Variants in CCSER1 observed in about 807,000 individuals in gnomAD.
CCSER1 encodes serine-rich coiled-coil domain-containing protein 1.
In CCSER1, 41 loss-of-function variants were observed where a neutral mutation model predicts 82.0. That is an observed-to-expected ratio of 0.50 (90% CI 0.39 to 0.65). The LOEUF (loss-of-function observed/expected upper bound fraction) is 0.65. Among genes scored for constraint, CCSER1 ranks in the 30% least tolerant of loss-of-function variants. CCSER1 has a pLI of 0.00. For missense variants in CCSER1, 1,119 were observed against 1,064.2 expected, an observed-to-expected ratio of 1.05 and a Z score of -0.72; for synonymous variants, 414 against 383.9, an observed-to-expected ratio of 1.08 and a Z score of -0.92.
chr4:91,023,273 C>T (rs959307004), intron 9 of CCSER1, among the ~76,000 whole-genome samples: 3 of 152,072 alleles, frequency 2.0e-5, no homozygotes, highest in African/African-American at 4.8e-5. Context: ...ATCAAGCTAC[C>T]AATGACTTTC....
At position 90,918,174 on chromosome 4, in the gene CCSER1, A is replaced by C. The variant is rs1727791949; in HGVS notation, c.2095-5196A>C. The C allele has an allele frequency of 3.8e-5, 16 of 419,492 alleles. 1 individual carries two copies. Among genetic ancestry groups the C allele is most frequent in the South Asian group, 2.6e-4 (16 of 61,884 alleles). The allele number at this position is 419,492 out of a possible 1,614,324, so 26.0% of individuals were successfully genotyped here. A position where few individuals can be genotyped will look rare whatever the true frequency, so the allele number is the denominator to read the frequency against. On this transcript the variant is annotated intron_variant, in intron 8 of 10. Transcript: ENST00000509176. ...GTGTCTGTTAATTGTATTAACTAAC[A>C]TACTAGTGTCTGTTAATTGTATTAA...
chr4:90,364,237 C>A (rs914626021), intron 3 of CCSER1, among the ~76,000 whole-genome samples: 16 of 151,902 alleles, frequency 1.1e-4, no homozygotes, highest in Non-Finnish European at 2.4e-4. Context: ...AATACTTGAG[C>A]CTTTTCAAAT....
At chr4:90,142,032 A>G (rs1417147664) in intron 1 of CCSER1, among the ~76,000 whole-genome samples, 1 of 152,220 alleles carries the variant, frequency 6.6e-6, no homozygotes, top group Non-Finnish European at 1.5e-5. Flanking sequence ...TGTAGCATAG[A>G]GTAATAAACA....
intron 10 of CCSER1, among the ~76,000 whole-genome samples, chr4:91,209,529 T>C (rs1736621662): frequency 6.6e-6 from 1 of 151,988 alleles, no homozygotes; most frequent in Non-Finnish European, 1.5e-5. Flanking sequence ...GATTTGCATA[T>C]ATTGAACCCA....
At chr4:91,335,927 T>A (rs1309166122) in intron 10 of CCSER1, among the ~76,000 whole-genome samples, 1 of 152,092 alleles carries the variant, frequency 6.6e-6, no homozygotes, top group Non-Finnish European at 1.5e-5. Context: ...ACATAAAGAA[T>A]CACAAAACCA....
At chr4:90,911,960 G>A (rs1726457773) in intron 8 of CCSER1, among the ~76,000 whole-genome samples, 1 of 152,226 alleles carries the variant, frequency 6.6e-6, no homozygotes, top group Non-Finnish European at 1.5e-5. Context: ...TGAAGCTTGA[G>A]TAGGTAAACA....
intron 10 of CCSER1, among the ~76,000 whole-genome samples, chr4:91,252,401 T>A (rs956697757): frequency 5.3e-5 from 8 of 151,970 alleles, no homozygotes; most frequent in Non-Finnish European, 1.0e-4. Flanking sequence ...TGTGAAAAAA[T>A]AAAGATTTAA....
intron 7 of CCSER1, among the ~76,000 whole-genome samples, chr4:90,771,803 G>A (rs115251273): frequency 2.3e-3 from 356 of 152,114 alleles, no homozygotes; most frequent in Non-Finnish European, 4.0e-3. Context: ...ACAGCTTTGT[G>A]TGGTGTATCC....
intron 10 of CCSER1, among the ~76,000 whole-genome samples, chr4:91,217,235 G>A (rs1032943398): frequency 3.3e-5 from 5 of 152,180 alleles, no homozygotes; most frequent in East Asian, 3.9e-4. Context: ...GGACCCGAGC[G>A]GGTTGCCAAT....
chr4:90,718,487 TTA>T (rs1742083089), intron 6 of CCSER1, among the ~76,000 whole-genome samples: 1 of 152,154 alleles, frequency 6.6e-6, no homozygotes. Context: ...ACCAAGCACC[TTA>T]ATAGTACCCA....
At chr4:91,515,504 C>A in intron 10 of CCSER1, among the ~76,000 whole-genome samples, 1 of 152,132 alleles carries the variant, frequency 6.6e-6, no homozygotes, top group Non-Finnish European at 1.5e-5. Flanking sequence ...TGGCTTCCAC[C>A]TCCATCCATG....
In CCSER1 at chr4:90,265,039, G is replaced by T. The variant is rs1724994548; in HGVS notation, c.-41-43205G>T. 2.0e-5 allele frequency among the ~76,000 whole-genome samples: 3 copies of T among 151,764 alleles called. No homozygotes were observed. The South Asian group carries it at 6.2e-4, about 31-fold the overall frequency. ...TATCTTAAAAATGACATCTAGTAAA[G>T]AATATTCTTGTATCTCAGATAGCTT... On this transcript the variant is annotated intron_variant, in intron 1 of 10. Coordinates refer to ENST00000509176, the MANE Select transcript of CCSER1 (RefSeq NM_001145065.2).
chr4:91,013,760 G>A (rs544278962), intron 9 of CCSER1, among the ~76,000 whole-genome samples: 1 of 105,128 alleles, frequency 9.5e-6, no homozygotes, highest in Admixed American at 1.0e-4. Context: ...CTGTCACCAC[G>A]CCCAGCTATT....
At chr4:91,544,112 C>T (rs558076331) in intron 10 of CCSER1, among the ~76,000 whole-genome samples, 179 of 152,246 alleles carry the variant, frequency 1.2e-3, no homozygotes, top group Non-Finnish European at 2.0e-3. Context: ...GAAGCTTGTG[C>T]ATGCGTCATG....
intron 10 of CCSER1, among the ~76,000 whole-genome samples, chr4:91,382,028 T>C (rs1160584494): frequency 6.6e-6 from 1 of 152,170 alleles, no homozygotes; most frequent in Non-Finnish European, 1.5e-5. Flanking sequence ...CCATTCCAGA[T>C]CCTGTTTGCC....
intron 10 of CCSER1, among the ~76,000 whole-genome samples, chr4:91,480,712 CAGG>C (rs1757862931): frequency 6.6e-6 from 1 of 152,304 alleles, no homozygotes; most frequent in South Asian, 2.1e-4. Flanking sequence ...CACCTAACTC[CAGG>C]AGATGTTTTT....
At chr4:90,654,194 T>A (rs541386026) in intron 6 of CCSER1, among the ~76,000 whole-genome samples, 23 of 152,272 alleles carry the variant, frequency 1.5e-4, no homozygotes, top group African/African-American at 5.5e-4. Context: ...TCTGTTATAG[T>A]ATAAAATTGA....
chr4:91,200,745 A>C (rs201260406), intron 10 of CCSER1, among the ~76,000 whole-genome samples: 17 of 152,178 alleles, frequency 1.1e-4, no homozygotes, highest in African/African-American at 4.1e-4. Flanking sequence ...ACAGACTCCA[A>C]TGCCAAATAA....
chr4:90,198,017 G>C (rs910550775), intron 1 of CCSER1, among the ~76,000 whole-genome samples: 1 of 152,042 alleles, frequency 6.6e-6, no homozygotes, highest in Non-Finnish European at 1.5e-5. Context: ...TTGCATACCT[G>C]TATCAAAACA....
Sources: allele counts gnomAD v4.1 joint callset (sites outside exome capture counted in the v4.1 genomes callset), GRCh38; gene constraint gnomAD v4.1.1; transcripts MANE v1.5; gene names NCBI Gene and HGNC (gene_info 2026-07-23, HGNC 2026-07-21).